The following ING5 variants were observed in gnomAD, a reference collection of about 807,000 sequenced individuals.
ING5 encodes the protein inhibitor of growth protein 5.
In ING5, 17 loss-of-function variants were observed where a neutral mutation model predicts 37.4. That is an observed-to-expected ratio of 0.45 (90% confidence interval 0.31 to 0.68). The LOEUF is 0.68. Ranked by LOEUF, ING5 falls within the 30% of genes least tolerant of loss-of-function variation. The pLI is 0.05. For missense variants in ING5, 233 were observed against 311.9 expected, an observed-to-expected ratio of 0.75 and a Z score of 1.91; for synonymous variants, 123 against 116.6, an observed-to-expected ratio of 1.06 and a Z score of -0.36.
intron 5 of ING5, chr2:241,719,426 G>A (rs1029091562): frequency 6.9e-6 from 6 of 873,212 alleles, no homozygotes; most frequent in East Asian, 2.7e-5. Context: ...ACAGCTCCCC[G>A]ACATCTTTGA....
At chr2:241,722,457 C>T (rs2124951305) in intron 5 of ING5, 1 of 985,416 alleles carries the variant, frequency 1.0e-6, no homozygotes, top group Non-Finnish European at 1.2e-6. Context: ...CTCTGTGCCC[C>T]CATGCCCCTG....
upstream of ING5, chr2:241,701,907 GC>G: frequency 2.8e-6 from 1 of 354,562 alleles, no homozygotes; most frequent in Non-Finnish European, 4.9e-6. Flanking sequence ...CCCGCAGCCC[GC>G]CGCCCGCCGG....
intron 7 of ING5, among the ~76,000 whole-genome samples, 153 bp downstream of exon 7, chr2:241,723,424 G>T (rs1446257517): frequency 6.6e-6 from 1 of 152,372 alleles, no homozygotes; most frequent in Middle Eastern, 3.4e-3. Flanking sequence ...CTCAAGGAGT[G>T]TGGCTGGCTG....
chr2:241,704,865 C>T, intron 2 of ING5, 141 bp downstream of exon 2: 1 of 668,578 alleles, frequency 1.5e-6, no homozygotes. Context: ...GGGTATCACT[C>T]AGTGTCTTGC....
chr2:241,713,354 G>A lies in ING5; in HGVS notation c.482+1283G>A, dbSNP rs147495251. 2.9e-3 allele frequency among the ~76,000 whole-genome samples: 402 copies of A among 138,702 alleles called. 3 individuals carry two copies. Among genetic ancestry groups the A allele is most frequent in the African/African-American group, 0.01 (373 of 37,196 alleles). 91.0% of individuals were successfully genotyped at this position (138,702 alleles called of 152,430 possible). A position where few individuals can be genotyped will look rare whatever the true frequency, so the allele number is the denominator to read the frequency against. ...ATTACAGGCATGAGCCATCACACCC[G>A]ACCCAATTTTCAGTTTTTTTTTTTT... is the stretch of plus-strand genomic sequence containing the variant. On this transcript the variant is annotated intron_variant, in intron 5 of 7. Transcript: ENST00000313552.
intron 5 of ING5, among the ~76,000 whole-genome samples, chr2:241,713,289 C>T (rs1356655566): frequency 1.3e-5 from 2 of 151,572 alleles, no homozygotes; most frequent in African/African-American, 4.8e-5. Context: ...AACTCCTGAC[C>T]TCAGGTGATC....
intron 5 of ING5, among the ~76,000 whole-genome samples, chr2:241,714,317 A>G (rs895607026): frequency 1.3e-5 from 2 of 152,300 alleles, no homozygotes; most frequent in Admixed American, 1.3e-4. Flanking sequence ...TTTATTAAGG[A>G]ATAATTTACA....
At chr2:241,710,254 C>T (rs984874246) in intron 3 of ING5, among the ~76,000 whole-genome samples, 2 of 151,232 alleles carry the variant, frequency 1.3e-5, no homozygotes, top group African/African-American at 4.9e-5. Flanking sequence ...TTACAGTCAC[C>T]CACCACGAAG....
intron 5 of ING5, chr2:241,721,683 TG>T (rs1190539010): frequency 1.0e-6 from 1 of 985,322 alleles, no homozygotes; most frequent in East Asian, 1.1e-4. Flanking sequence ...ATTCGTGGGT[TG>T]GAGGGTGGGA....
rs1201179198 is a variant in ING5, at chr2:241,728,689, G to T, written c.*3658G>T. On this transcript the variant is annotated 3_prime_UTR_variant, in exon 8 of 8. Coordinates refer to ENST00000313552, the MANE Select transcript of ING5 (RefSeq NM_032329.6). The stretch of plus-strand genomic sequence containing the variant: ...GCAGCTGACCGCCCGTCTCATGCTG[G>T]ACGGGACCCCTGGGCGGGTGGACAT... 2.0e-5 allele frequency: 3 copies of T among 152,290 alleles called. No homozygotes were observed. Among genetic ancestry groups the T allele is most frequent in the African/African-American group, 7.2e-5 (3 of 41,450 alleles). 9.4% of individuals were successfully genotyped at this position (152,290 alleles called of 1,614,324 possible).
In ING5 at chr2:241,728,305, T is replaced by G. The variant is rs962497577; in HGVS notation, c.*3274T>G. Reference sequence around the variant, plus strand: ...TGGCCGCCTTCTCCCTGGGGGTGATTCAAGGATTTGGTCTCGGACCAGACC... The same window carrying G: ...TGGCCGCCTTCTCCCTGGGGGTGATGCAAGGATTTGGTCTCGGACCAGACC... On this transcript the variant is annotated 3_prime_UTR_variant, in exon 8 of 8. Transcript: ENST00000313552. The G allele has an allele frequency of 9.2e-5, 14 of 152,814 alleles. No individual in the cohort carries two copies. The highest frequency in any genetic ancestry group is 3.4e-4 in the African/African-American group (14 of 41,450). 9.5% of individuals were successfully genotyped at this position (152,814 alleles called of 1,614,324 possible). A position where few individuals can be genotyped will look rare whatever the true frequency, so the allele number is the denominator to read the frequency against.
At chr2:241,704,235 G>A (rs1482324626) in intron 1 of ING5, among the ~76,000 whole-genome samples, 1 of 152,166 alleles carries the variant, frequency 6.6e-6, no homozygotes, top group African/African-American at 2.4e-5. Context: ...CGCAAACCCT[G>A]ACAGAGACAG....
exon 1 of ING5, chr2:241,687,491 A>G (rs889375933): frequency 1.0e-5 from 4 of 397,338 alleles, no homozygotes; most frequent in African/African-American, 6.2e-5. Flanking sequence ...CTGAAGCGCA[A>G]AACTGCAGGG....
chr2:241,707,603 T>G (rs1172512442), intron 2 of ING5, among the ~76,000 whole-genome samples: 1 of 152,104 alleles, frequency 6.6e-6, no homozygotes, highest in Admixed American at 6.5e-5. Context: ...GGGCACATGT[T>G]TTGCAAGACT....
intron 2 of ING5, among the ~76,000 whole-genome samples, chr2:241,696,097 A>C (rs975877969): frequency 6.6e-6 from 1 of 152,020 alleles, no homozygotes; most frequent in African/African-American, 2.4e-5. Context: ...ATCCTGTCTC[A>C]AAAAACAAAA....
chr2:241,698,960 T>G (rs1237553659), upstream of ING5, among the ~76,000 whole-genome samples: 2 of 151,352 alleles, frequency 1.3e-5, no homozygotes, highest in African/African-American at 4.9e-5. Flanking sequence ...ACTCCCGACC[T>G]CAGGTGATCC....
chr2:241,705,697 C>T (rs968804144), intron 2 of ING5, among the ~76,000 whole-genome samples: 3 of 152,194 alleles, frequency 2.0e-5, no homozygotes, highest in Non-Finnish European at 2.9e-5. Context: ...TGAGCCACCG[C>T]GCCCGGCCCT....
At position 241,727,767 on chromosome 2, in the gene ING5, C is replaced by T. The variant is rs1691682730; in HGVS notation, c.*2736C>T. 6.6e-6 allele frequency: 1 copy of T among 152,204 alleles called. No homozygotes were observed. The highest frequency in any genetic ancestry group is 1.5e-5 in the Non-Finnish European group (1 of 68,052). The allele number at this position is 152,204 out of a possible 1,614,324, so 9.4% of individuals were successfully genotyped here. A position where few individuals can be genotyped will look rare whatever the true frequency, so the allele number is the denominator to read the frequency against. On this transcript the variant is annotated 3_prime_UTR_variant, in exon 8 of 8. Coordinates refer to ENST00000313552, the MANE Select transcript of ING5 (RefSeq NM_032329.6). Reference sequence around the variant, plus strand: ...GAAATGAATTTGATATTGCGCTCCACCTTTGAGCTGTTCACACCTGTGGCT... The same window carrying T: ...GAAATGAATTTGATATTGCGCTCCATCTTTGAGCTGTTCACACCTGTGGCT...
chr2:241,700,150 GTTT>G (rs780209565), upstream of ING5, among the ~76,000 whole-genome samples: 48 of 73,312 alleles, frequency 6.5e-4, no homozygotes, highest in African/African-American at 2.4e-3. Context: ...GCCCGGCTAA[GTTT>G]TTTTTTTTTT....
Sources: allele counts gnomAD v4.1 joint callset (sites outside exome capture counted in the v4.1 genomes callset), GRCh38; gene constraint gnomAD v4.1.1; transcripts MANE v1.5; gene names NCBI Gene and HGNC (gene_info 2026-07-23, HGNC 2026-07-21).